Variants in TTLL6 observed in about 807,000 individuals in gnomAD.
TTLL6 encodes tubulin tyrosine ligase like 6.
A neutral mutation model predicts 96.4 loss-of-function variants in TTLL6; 75 were observed. That is an observed-to-expected ratio of 0.78 (90% CI 0.65 to 0.94). The LOEUF (loss-of-function observed/expected upper bound fraction) is 0.94, where lower values mean the gene tolerates loss of function less well. Among genes scored for constraint, TTLL6 ranks in the 40% least tolerant of loss-of-function variants. The pLI is 0.00. For missense variants in TTLL6, 1,030 were observed against 1,093.0 expected, an observed-to-expected ratio of 0.94 and a Z score of 0.81; for synonymous variants, 411 against 419.4, an observed-to-expected ratio of 0.98 and a Z score of 0.24.
chr17:48,804,293 C>T lies in TTLL6; in HGVS notation c.324-365G>A, dbSNP rs77112924. The T allele has an allele frequency of 1.9e-3, 948 of 498,106 alleles. 9 individuals carry two copies. The highest frequency in any genetic ancestry group is 0.016 in the African/African-American group (842 of 51,966). The allele number at this position is 498,106 out of a possible 1,614,324, so 30.9% of individuals were successfully genotyped here. ...ATACTTGTCTCCTTCCTCTTCCCCCCATTAAGGGAAGCTATGAATAAGAAA... is the reference window on the plus strand; with the variant it reads ...ATACTTGTCTCCTTCCTCTTCCCCCTATTAAGGGAAGCTATGAATAAGAAA... On this transcript the variant is annotated intron_variant, in intron 2 of 15. Transcript: ENST00000393382.
In TTLL6 at chr17:48,769,013, G is replaced by T. The variant is rs774407956; in HGVS notation, c.2652C>A (p.Gly884=). Residue 884 remains glycine, a synonymous_variant, in exon 15 of 16, where the codon GGC becomes GGA. Transcript: ENST00000393382. ...CCTAGCTCCTCTCACATCCTTTTTG[G>T]CCAGAGATCAGGCAATGGCTGTATG... The part of the protein sequence containing the change: ...QEAYSHCLIS[G]QKGCERS The T allele has an allele frequency of 1.9e-6, 3 of 1,613,732 alleles. No individual in the cohort carries two copies. Among genetic ancestry groups the T allele is most frequent in the Admixed American group, 3.3e-5 (2 of 59,914 alleles).
chr17:48,783,259 A>G (rs1246561209), intron 13 of TTLL6, among the ~76,000 whole-genome samples: 1 of 152,104 alleles, frequency 6.6e-6, no homozygotes, highest in East Asian at 1.9e-4. Flanking sequence ...AAGGCCCAAC[A>G]ATGCTGAAGA....
At chr17:48,801,179 C>G in intron 5 of TTLL6, 76 bp downstream of exon 5, 12 of 1,392,060 alleles carry the variant, frequency 8.6e-6, no homozygotes, top group Non-Finnish European at 1.2e-5. Context: ...AAAGTGGCAA[C>G]CAGGGAATCG....
At chr17:48,768,826 G>A (rs1429770272) in intron 15 of TTLL6, among the ~76,000 whole-genome samples, 163 bp downstream of exon 15, 1 of 152,228 alleles carries the variant, frequency 6.6e-6, no homozygotes, top group Admixed American at 6.5e-5. Context: ...ATAGGCATGA[G>A]CCACTGCACC....
rs1567733728 is a variant in TTLL6 at position 48,802,134 on chromosome 17, GAAA to G, written c.362-494_362-492del. ...AGAAAGAAAGAAAGAAAGAAAGAAA[GAAA>G]GAAAGAAAGAAAGAAAATAAAGGAA... On this transcript the variant is annotated intron_variant, in intron 3 of 15. Coordinates refer to ENST00000393382, the MANE Select transcript of TTLL6 (RefSeq NM_001130918.3). Among the ~76,000 whole-genome samples, 121 of 125,634 alleles carry G rather than the reference GAAA, an allele frequency of 9.6e-4. 1 individual carries two copies. The highest frequency in any genetic ancestry group is 4.6e-3 in the Middle Eastern group (1 of 218). 82.4% of individuals were successfully genotyped at this position (125,634 alleles called of 152,430 possible).
intron 2 of TTLL6, 105 bp downstream of exon 2, chr17:48,804,667 A>G (rs569396363): frequency 5.2e-6 from 5 of 953,432 alleles, no homozygotes; most frequent in Admixed American, 4.3e-5. Flanking sequence ...GTCTCAGCAC[A>G]CAGTTTCTCC....
chr17:48,770,229 A>T, intron 13 of TTLL6, 132 bp from the exon 14 acceptor site: 1 of 1,292,836 alleles, frequency 7.7e-7, no homozygotes, highest in Non-Finnish European at 1.0e-6. Flanking sequence ...ATTGGGCTCA[A>T]GTGATGCTCC....
chr17:48,815,073 C>A (rs909645371), intron 1 of TTLL6, among the ~76,000 whole-genome samples: 7 of 152,136 alleles, frequency 4.6e-5, no homozygotes, highest in African/African-American at 1.7e-4. Flanking sequence ...CCACCGCGCC[C>A]AGCAGTTTAG....
chr17:48,771,029 C>T (rs1388671051), intron 13 of TTLL6, among the ~76,000 whole-genome samples: 1 of 152,112 alleles, frequency 6.6e-6, no homozygotes, highest in Admixed American at 6.6e-5. Context: ...AGCTTTTTGT[C>T]CGAGGACACC....
chr17:48,794,469 G>T, intron 8 of TTLL6: 1 of 1,173,170 alleles, frequency 8.5e-7, no homozygotes, highest in Non-Finnish European at 1.2e-6. Flanking sequence ...GGCTCAGAGA[G>T]ATGAAGTAAC....
At chr17:48,777,696 A>C (rs1597967817) in intron 13 of TTLL6, among the ~76,000 whole-genome samples, 1 of 151,592 alleles carries the variant, frequency 6.6e-6, no homozygotes, top group Non-Finnish European at 1.5e-5. Context: ...GTGCCATTGC[A>C]CTCAAGCCTG....
intron 15 of TTLL6, among the ~76,000 whole-genome samples, chr17:48,768,090 G>A (rs2038651219): frequency 6.6e-6 from 1 of 152,054 alleles, no homozygotes; most frequent in African/African-American, 2.4e-5. Context: ...TTAATACATA[G>A]CAAGGGGGTC....
chr17:48,794,239 A>G, intron 8 of TTLL6: 1 of 1,614,100 alleles, frequency 6.2e-7, no homozygotes, highest in Non-Finnish European at 8.5e-7. Context: ...CCTCCATCAC[A>G]GCCGAGGGCC....
intron 11 of TTLL6, among the ~76,000 whole-genome samples, chr17:48,786,831 C>CT (rs11446945): frequency 0.27 from 32,534 of 122,114 alleles, 5,186 homozygotes; most frequent in Admixed American, 0.36. Flanking sequence ...CTTCTGTCAT[C>CT]TTTTTTTTTT....
intron 13 of TTLL6, among the ~76,000 whole-genome samples, chr17:48,778,696 C>G (rs2038928523): frequency 6.6e-6 from 1 of 151,676 alleles, no homozygotes; most frequent in Non-Finnish European, 1.5e-5. Flanking sequence ...CTTTGGGAGG[C>G]TGAGGCGGGC....
At chr17:48,763,877 T>C (rs1383223592) in intron 15 of TTLL6, among the ~76,000 whole-genome samples, 2 of 152,024 alleles carry the variant, frequency 1.3e-5, no homozygotes, top group South Asian at 2.1e-4. Flanking sequence ...GGCAGGAGAA[T>C]AGCTTGAACC....
chr17:48,777,270 C>T (rs2038892565), intron 13 of TTLL6, among the ~76,000 whole-genome samples: 1 of 152,118 alleles, frequency 6.6e-6, no homozygotes, highest in South Asian at 2.1e-4. Context: ...GAATCTGAAA[C>T]ACAAAGCTAA....
intron 13 of TTLL6, among the ~76,000 whole-genome samples, chr17:48,771,266 T>C (rs186778745): frequency 1.1e-4 from 16 of 152,262 alleles, no homozygotes; most frequent in Admixed American, 3.9e-4. Context: ...CTGAAATAAC[T>C]AATAAGATTT....
At position 48,804,275 on chromosome 17, in the gene TTLL6, T is replaced by C. The variant is rs550435782; in HGVS notation, c.324-347A>G. 7.0e-4 allele frequency: 354 copies of C among 507,454 alleles called. 6 individuals are homozygous for C. The highest frequency in any genetic ancestry group is 5.3e-3 in the South Asian group (347 of 64,906). The allele number at this position is 507,454 out of a possible 1,614,324, so 31.4% of individuals were successfully genotyped here. A position where few individuals can be genotyped will look rare whatever the true frequency, so the allele number is the denominator to read the frequency against. ...AAAATATTTTTGGCCAAAATACTTGTCTCCTTCCTCTTCCCCCCATTAAGG... is the reference window on the plus strand; with the variant it reads ...AAAATATTTTTGGCCAAAATACTTGCCTCCTTCCTCTTCCCCCCATTAAGG... On this transcript the variant is annotated intron_variant, in intron 2 of 15. Transcript: ENST00000393382.
Sources: gnomAD v4.1 joint callset for allele counts (sites outside exome capture counted in the v4.1 genomes callset) on GRCh38, gnomAD v4.1.1 for gene constraint, MANE v1.5 for transcripts, NCBI Gene and HGNC (gene_info 2026-07-23, HGNC 2026-07-21) for gene names.